The following PARD6G variants were observed in gnomAD, a reference collection of about 807,000 sequenced individuals.
PARD6G encodes the protein par-6 family cell polarity regulator gamma.
A neutral mutation model predicts 10.7 loss-of-function variants in PARD6G; 7 were observed. The ratio of observed to expected loss-of-function variants is 0.66; its 90% confidence interval spans 0.37 to 1.23. The LOEUF is 1.23. PARD6G is among the 50% of genes most tolerant of loss of function. The pLI, the probability that PARD6G is intolerant of heterozygous loss-of-function variation, is 0.02. For synonymous variants in PARD6G, 287 were observed against 269.4 expected (o/e 1.07, Z -0.64); for missense variants, 548 against 571.8 (o/e 0.96, Z 0.42).
chr18:80,185,872 T>A (rs1352013761), intron 2 of PARD6G, among the ~76,000 whole-genome samples: 3 of 79,672 alleles, frequency 3.8e-5, no homozygotes, highest in African/African-American at 1.0e-4. Context: ...TCGCATATAC[T>A]GTCACATATG....
chr18:80,169,886 C>T (rs1288795712), intron 2 of PARD6G: 1 of 152,234 alleles, frequency 6.6e-6, no homozygotes, highest in Non-Finnish European at 1.5e-5. Flanking sequence ...AAGCAGCTGC[C>T]AGCTTAAATG....
rs906453187 is a variant in PARD6G, at chr18:80,192,915, G to A, written c.295+9795C>T. Among the ~76,000 whole-genome samples, 2 of 152,108 alleles carry A rather than the reference G, an allele frequency of 1.3e-5. 1 individual carries two copies. The highest frequency in any genetic ancestry group is 2.9e-5 in the Non-Finnish European group (2 of 68,016). On this transcript the variant is annotated intron_variant, in intron 2 of 2. Coordinates refer to ENST00000353265, the MANE Select transcript of PARD6G (RefSeq NM_032510.4). The surrounding 1 kb of genome is among the most constrained non-coding windows in gnomAD (Gnocchi z 4.9). ...GGGGAGCTGCTTGGCAGCAACTTCT[G>A]GTGGATGAAGCACCAATGTGTCCAA...
At chr18:80,190,650 CTA>C (rs959328211) in intron 2 of PARD6G, among the ~76,000 whole-genome samples, 3 of 152,256 alleles carry the variant, frequency 2.0e-5, no homozygotes, top group African/African-American at 7.2e-5. Context: ...CAGTTCTGTC[CTA>C]TATAAAAAAG....
chr18:80,235,825 C>T (rs1967415650), intron 1 of PARD6G, among the ~76,000 whole-genome samples: 1 of 152,108 alleles, frequency 6.6e-6, no homozygotes, highest in Non-Finnish European at 1.5e-5. Context: ...TCTGAATAGA[C>T]CAATAACAGG....
chr18:80,174,379 G>A (rs1049410614), intron 2 of PARD6G, among the ~76,000 whole-genome samples: 32 of 152,114 alleles, frequency 2.1e-4, no homozygotes, highest in Admixed American at 3.9e-4. Flanking sequence ...GTGACAGCAG[G>A]GTGATCGACA....
chr18:80,193,471 G>T lies in PARD6G; in HGVS notation c.295+9239C>A, dbSNP rs566414746. Among the ~76,000 whole-genome samples, 7 of 152,240 alleles carry T rather than the reference G, an allele frequency of 4.6e-5. No individual in the cohort carries two copies. The South Asian group carries it at 1.4e-3, about 32-fold the overall frequency. On this transcript the variant is annotated intron_variant, in intron 2 of 2. Coordinates refer to ENST00000353265, the MANE Select transcript of PARD6G (RefSeq NM_032510.4). ...ACTTTTAGGTACAGAGCTGTTTTTT[G>T]GAGTCTGGCTTCAATGCAACAAAAA...
rs544248671 is a variant in PARD6G, at chr18:80,167,718, G to T, written c.296-7112C>A. On this transcript the variant is annotated intron_variant, in intron 2 of 2. Coordinates refer to ENST00000353265, the MANE Select transcript of PARD6G (RefSeq NM_032510.4). ...CATGGCCTAAGATGAACGCCCAGGG[G>T]ATTTCTGAGCAGCAGGGAGTGTATC... 9.2e-5 allele frequency among the ~76,000 whole-genome samples: 14 copies of T among 152,206 alleles called. No individual in the cohort carries two copies. In the East Asian group the frequency reaches 2.7e-3, roughly 29 times the overall value.
At chr18:80,237,804 C>T (rs540846774) in intron 1 of PARD6G, among the ~76,000 whole-genome samples, 6 of 152,302 alleles carry the variant, frequency 3.9e-5, no homozygotes, top group Non-Finnish European at 8.8e-5. Context: ...GAGATACCAT[C>T]TCACACCAGT....
At chr18:80,203,070 A>G in intron 1 of PARD6G, 138 bp from the exon 2 acceptor site, 1 of 613,676 alleles carries the variant, frequency 1.6e-6, no homozygotes, top group South Asian at 1.9e-5. Flanking sequence ...CCACTGATAG[A>G]CACATAAGTT....
chr18:80,245,681 G>A (rs1314409593), intron 1 of PARD6G, among the ~76,000 whole-genome samples: 1 of 152,078 alleles, frequency 6.6e-6, no homozygotes, highest in Admixed American at 6.5e-5. Context: ...CATACCACAC[G>A]TGCTTATTGT....
In PARD6G at chr18:80,181,918, A is replaced by G. The variant is rs959366961; in HGVS notation, c.295+20792T>C. Among the ~76,000 whole-genome samples the G allele has an allele frequency of 2.6e-5, 4 of 152,138 alleles. No homozygotes were observed. Among genetic ancestry groups the G allele is most frequent in the African/African-American group, 4.8e-5 (2 of 41,422 alleles). ...CCCCGCTGATAGAACCTGCATTTCA[A>G]ACAGACCCAGGGCTGCAGCACACAA... is the stretch of plus-strand genomic sequence containing the variant. On this transcript the variant is annotated intron_variant, in intron 2 of 2. Transcript: ENST00000353265. The surrounding 1 kb of genome is among the most constrained non-coding windows in gnomAD (Gnocchi z 7.9).
At position 80,159,840 on chromosome 18, in the gene PARD6G, G is replaced by A. The variant is rs930388756; in HGVS notation, c.1062C>T (p.Ala354=). Residue 354 remains alanine, a synonymous_variant, in exon 3 of 3, where the codon GCC becomes GCT. Transcript: ENST00000353265. The stretch of plus-strand genomic sequence containing the variant: ...GCAGCGCCAGGCTGTGACGGGGGTC[G>A]GCCCGCAGGGAGCTGAGCAGCCGCT... ...GLQRLLSSLR[A]DPRHSLALPP... 5.4e-6 allele frequency: 8 copies of A among 1,493,166 alleles called. No homozygotes were observed. In the African/African-American group the frequency reaches 7.4e-5, roughly 14 times the overall value. The allele number at this position is 1,493,166 out of a possible 1,614,324, so 92.5% of individuals were successfully genotyped here. A position where few individuals can be genotyped will look rare whatever the true frequency, so the allele number is the denominator to read the frequency against.
At chr18:80,207,950 A>G (rs1967069991) in intron 1 of PARD6G, among the ~76,000 whole-genome samples, 1 of 152,226 alleles carries the variant, frequency 6.6e-6, no homozygotes, top group African/African-American at 2.4e-5. Context: ...TTCTGATTAG[A>G]AAAGAGCTCT....
At chr18:80,205,291 C>A (rs1451290806) in intron 1 of PARD6G, among the ~76,000 whole-genome samples, 1 of 152,220 alleles carries the variant, frequency 6.6e-6, no homozygotes, top group African/African-American at 2.4e-5. Flanking sequence ...CTTTAAGACA[C>A]ACATGTAAAG....
At chr18:80,238,867 C>T (rs1448279122) in intron 1 of PARD6G, among the ~76,000 whole-genome samples, 12 of 80,414 alleles carry the variant, frequency 1.5e-4, no homozygotes, top group East Asian at 3.4e-4. Flanking sequence ...GGGGGGCGGG[C>T]GGGGGAAGTG....
Position 80,195,880 on chromosome 18 carries a change from A to G in PARD6G, c.295+6830T>C, listed in dbSNP as rs531122442. Among the ~76,000 whole-genome samples the G allele has an allele frequency of 7.0e-4, 89 of 126,424 alleles. 1 individual carries two copies. The highest frequency in any genetic ancestry group is 2.3e-3 in the African/African-American group (83 of 35,884). 82.9% of individuals were successfully genotyped at this position (126,424 alleles called of 152,430 possible). On this transcript the variant is annotated intron_variant, in intron 2 of 2. Coordinates refer to ENST00000353265, the MANE Select transcript of PARD6G (RefSeq NM_032510.4). ...ACAGAGCGAGACTCCATCTCAAGAA[A>G]AAAAAAAGTAAACTTTTTTTTTTTA...
chr18:80,193,258 G>A (rs1248008315), intron 2 of PARD6G, among the ~76,000 whole-genome samples: 5 of 152,224 alleles, frequency 3.3e-5, no homozygotes, highest in African/African-American at 9.6e-5. Flanking sequence ...GAGGAGGGTC[G>A]GCCTCACGCA....
chr18:80,233,559 G>C (rs531342974), intron 1 of PARD6G, among the ~76,000 whole-genome samples: 1 of 152,328 alleles, frequency 6.6e-6, no homozygotes, highest in East Asian at 1.9e-4. Context: ...AGGACTGTGG[G>C]TGGAAAGCCA....
At chr18:80,243,005 C>G (rs1453543598) in intron 1 of PARD6G, among the ~76,000 whole-genome samples, 2 of 152,174 alleles carry the variant, frequency 1.3e-5, no homozygotes, top group African/African-American at 4.8e-5. Context: ...GAAATACGCA[C>G]TCAAAGCCTG....
Sources: allele counts gnomAD v4.1 joint callset (sites outside exome capture counted in the v4.1 genomes callset), GRCh38; gene constraint gnomAD v4.1.1; non-coding constraint Gnocchi (gnomAD v3.1); transcripts MANE v1.5; gene names NCBI Gene and HGNC (gene_info 2026-07-23, HGNC 2026-07-21).